The following VAMP8 variants were observed in gnomAD, a reference collection of about 807,000 sequenced individuals.
VAMP8 encodes vesicle associated membrane protein 8.
In VAMP8, 9 loss-of-function variants were observed where a neutral mutation model predicts 11.4. The ratio of observed to expected loss-of-function variants is 0.79; its 90% confidence interval spans 0.48 to 1.38. VAMP8 has a LOEUF of 1.38. Ranked by LOEUF, VAMP8 falls within the 40% of genes most tolerant of loss-of-function variation. VAMP8 has a pLI of 0.00. For synonymous variants in VAMP8, 42 were observed against 44.7 expected (o/e 0.94, Z 0.24); for missense variants, 108 against 127.8 (o/e 0.85, Z 0.75).
intron 2 of VAMP8, chr2:85,579,815 G>A (rs749268313): frequency 1.3e-4 from 200 of 1,550,610 alleles, no homozygotes; most frequent in Non-Finnish European, 1.7e-4. Flanking sequence ...CTCAAGTTCT[G>A]TGTTCAGCGG....
chr2:85,578,090 T>G (rs977751052), intron 1 of VAMP8, among the ~76,000 whole-genome samples: 2 of 152,210 alleles, frequency 1.3e-5, no homozygotes, highest in Admixed American at 6.5e-5. Flanking sequence ...AGGATTTGTG[T>G]GTCCACTGAG....
intron 2 of VAMP8, among the ~76,000 whole-genome samples, chr2:85,580,903 A>T (rs2104032467): frequency 6.6e-6 from 1 of 152,024 alleles, no homozygotes; most frequent in African/African-American, 2.4e-5. Flanking sequence ...TACTGACCTC[A>T]GGTGATCCAC....
chr2:85,578,297 A>T (rs1012455238), intron 1 of VAMP8, among the ~76,000 whole-genome samples: 8 of 152,148 alleles, frequency 5.3e-5, no homozygotes, highest in African/African-American at 1.9e-4. Context: ...GAGATGAGAC[A>T]TCAGCCAGGG....
intron 2 of VAMP8, among the ~76,000 whole-genome samples, chr2:85,580,514 C>T (rs899302802): frequency 1.3e-5 from 2 of 151,934 alleles, no homozygotes; most frequent in African/African-American, 4.8e-5. Flanking sequence ...GTGTCGAGGA[C>T]CCCTCAGTGT....
chr2:85,578,394 G>A (rs911422272), intron 1 of VAMP8, among the ~76,000 whole-genome samples: 1 of 152,166 alleles, frequency 6.6e-6, no homozygotes, highest in African/African-American at 2.4e-5. Context: ...GTGCCTGCAC[G>A]TGTCGCCCAG....
chr2:85,581,338 G>C (rs1672375512), intron 2 of VAMP8, among the ~76,000 whole-genome samples: 1 of 152,014 alleles, frequency 6.6e-6, no homozygotes, highest in Admixed American at 6.6e-5. Flanking sequence ...AAGTTAGCTG[G>C]GCGTGGTGGT....
intron 1 of VAMP8, among the ~76,000 whole-genome samples, chr2:85,577,902 C>T (rs924151870): frequency 1.3e-5 from 2 of 152,162 alleles, no homozygotes; most frequent in African/African-American, 4.8e-5. Flanking sequence ...GTGCCAGCGC[C>T]GATGGGGGCT....
chr2:85,578,229 G>C (rs1410271572), intron 1 of VAMP8, among the ~76,000 whole-genome samples: 1 of 152,176 alleles, frequency 6.6e-6, no homozygotes, highest in African/African-American at 2.4e-5. Flanking sequence ...AGGTCAAGCG[G>C]GGAGGAGCTA....
chr2:85,579,734 C>G (rs1030601109), intron 2 of VAMP8: 3 of 1,550,554 alleles, frequency 1.9e-6, no homozygotes, highest in African/African-American at 1.4e-5. Flanking sequence ...ATTCTTCTCT[C>G]TCTCCAGCCA....
intron 2 of VAMP8, among the ~76,000 whole-genome samples, chr2:85,580,608 G>T (rs1000489462): frequency 6.6e-6 from 1 of 151,796 alleles, no homozygotes; most frequent in Non-Finnish European, 1.5e-5. Context: ...ATTTCAACCC[G>T]GCCTTCCAGA....
At chr2:85,579,724 ATTC>A (rs1224762182) in intron 2 of VAMP8, 2 of 1,550,456 alleles carry the variant, frequency 1.3e-6, no homozygotes, top group Non-Finnish European at 1.7e-6. Flanking sequence ...GCTAGACCTC[ATTC>A]TTCTCTCTCT....
intron 1 of VAMP8, 98 bp downstream of exon 1, chr2:85,577,747 C>A: frequency 6.6e-7 from 1 of 1,521,718 alleles, no homozygotes; most frequent in Non-Finnish European, 8.9e-7. Context: ...GAGTTGGTGG[C>A]AAAGTTAGAG....
Position 85,577,637 on chromosome 2 carries a change from G to T in VAMP8, c.-10G>T, listed in dbSNP as rs1409064626. ...ATTCACTTACTGACCGGCCTGGGCT[G>T]CTCTGAGACATGGTGAGCCAACTGG... On this transcript the variant is annotated 5_prime_UTR_variant, in exon 1 of 3. Coordinates refer to ENST00000263864, the MANE Select transcript of VAMP8 (RefSeq NM_003761.5). 1.3e-6 allele frequency: 2 copies of T among 1,552,394 alleles called. No individual in the cohort carries two copies. Among genetic ancestry groups the T allele is most frequent in the East Asian group, 2.4e-5 (1 of 40,940 alleles).
chr2:85,579,701 T>C, intron 2 of VAMP8: 1 of 1,546,276 alleles, frequency 6.5e-7, no homozygotes, highest in African/African-American at 1.4e-5. Flanking sequence ...AAATAATATC[T>C]CCCACACATC....
chr2:85,579,757 A>T, intron 2 of VAMP8: 1 of 1,550,768 alleles, frequency 6.4e-7, no homozygotes, highest in Non-Finnish European at 8.7e-7. Context: ...GGCTGAGGCC[A>T]GCTGTTTCAG....
chr2:85,579,958 A>AAT (rs1288493947), intron 2 of VAMP8: 154 of 1,189,258 alleles, frequency 1.3e-4, no homozygotes, highest in Middle Eastern at 2.9e-4. Context: ...GGCCCCGGGA[A>AAT]TTTTTTTTTT....
In VAMP8 at chr2:85,581,688, T is replaced by C. The variant is rs924781733; in HGVS notation, c.275T>C (p.Val92Ala). ...VIVFIIILFI[V>A]LFATGAFS Reference sequence around the variant, plus strand: ...GTTTTTATCATCATCCTCTTCATTGTGCTCTTTGCCACTGGTGCCTTCTCT... The same window carrying C: ...GTTTTTATCATCATCCTCTTCATTGCGCTCTTTGCCACTGGTGCCTTCTCT... The change falls in exon 3 of 3, where the codon GTG becomes GCG. Residue 92 changes from valine to alanine, a missense_variant. Transcript: ENST00000263864. 3 of 1,614,084 alleles carry C rather than the reference T, an allele frequency of 1.9e-6. No individual in the cohort carries two copies. Among genetic ancestry groups the C allele is most frequent in the Non-Finnish European group, 2.5e-6 (3 of 1,180,044 alleles).
At chr2:85,577,900 G>A (rs561792908) in intron 1 of VAMP8, among the ~76,000 whole-genome samples, 3 of 152,272 alleles carry the variant, frequency 2.0e-5, no homozygotes, top group East Asian at 1.9e-4. Context: ...CCGTGCCAGC[G>A]CCGATGGGGG....
chr2:85,578,612 A>G (rs1006459058), intron 1 of VAMP8, among the ~76,000 whole-genome samples: 4 of 152,140 alleles, frequency 2.6e-5, no homozygotes, highest in Non-Finnish European at 4.4e-5. Flanking sequence ...AAATCAGGAA[A>G]GGGGGGTGGC....
Sources: allele counts gnomAD v4.1 joint callset (sites outside exome capture counted in the v4.1 genomes callset), GRCh38; gene constraint gnomAD v4.1.1; transcripts MANE v1.5; gene names NCBI Gene and HGNC (gene_info 2026-07-23, HGNC 2026-07-21).